Variants in AKAP7 observed in about 807,000 individuals in gnomAD.
The protein encoded by AKAP7 is A-kinase anchoring protein 7.
In AKAP7, 39 loss-of-function variants were observed where a neutral mutation model predicts 39.5. That is an observed-to-expected ratio of 0.99 (90% CI 0.76 to 1.29). AKAP7 has a LOEUF of 1.29. Among genes scored for constraint, AKAP7 ranks in the 50% most tolerant of loss-of-function variants. AKAP7 has a pLI of 0.00. For synonymous variants in AKAP7, 140 were observed against 139.1 expected, an observed-to-expected ratio of 1.01 and a Z score of -0.05; for missense variants, 414 against 407.7, an observed-to-expected ratio of 1.02 and a Z score of -0.13.
chr6:131,196,315 G>C (rs989845614), intron 5 of AKAP7, among the ~76,000 whole-genome samples: 1 of 150,636 alleles, frequency 6.6e-6, no homozygotes, highest in African/African-American at 2.4e-5. Flanking sequence ...ACTCAGGCAG[G>C]AGTGCAATGG....
chr6:131,252,977 G>A, intron 7 of AKAP7: 1 of 1,560,976 alleles, frequency 6.4e-7, no homozygotes, highest in South Asian at 1.1e-5. Flanking sequence ...CCAAATTATG[G>A]AGAATTTGAT....
intron 2 of AKAP7, among the ~76,000 whole-genome samples, chr6:131,148,967 T>TAAC (rs1394986082): frequency 6.6e-6 from 1 of 152,214 alleles, no homozygotes; most frequent in African/African-American, 2.4e-5. Context: ...AATTGCGAGT[T>TAAC]AACTGCCAAG....
chr6:131,252,000 C>G (rs965522868), intron 7 of AKAP7, among the ~76,000 whole-genome samples: 4 of 152,272 alleles, frequency 2.6e-5, no homozygotes, highest in Non-Finnish European at 5.9e-5. Flanking sequence ...TCTTCACTTT[C>G]TGTTCCACTG....
At chr6:131,142,646 G>A (rs553511510) in intron 1 of AKAP7, among the ~76,000 whole-genome samples, 1 of 152,346 alleles carries the variant, frequency 6.6e-6, no homozygotes, top group Admixed American at 6.5e-5. Flanking sequence ...GGGAAATGTG[G>A]GATTGGAGCC....
At chr6:131,127,206 C>T in the AKAP7 span, among the ~76,000 whole-genome samples, 3 of 151,888 alleles carry the variant, frequency 2.0e-5, no homozygotes, top group Non-Finnish European at 2.9e-5. Context: ...CTACCATGAC[C>T]GGTTAATTTT....
chr6:131,240,388 C>T (rs1479712111), intron 7 of AKAP7, among the ~76,000 whole-genome samples: 1 of 152,210 alleles, frequency 6.6e-6, no homozygotes, highest in Admixed American at 6.5e-5. Flanking sequence ...TGTCCATTCT[C>T]AGATCTCCAG....
upstream of AKAP7, among the ~76,000 whole-genome samples, chr6:131,134,004 C>G (rs777989583): frequency 2.6e-5 from 4 of 152,258 alleles, no homozygotes; most frequent in Non-Finnish European, 5.9e-5. Context: ...CAGGATCTGG[C>G]TCTGTTGTCC....
chr6:131,156,071 A>G (rs909176728), intron 2 of AKAP7, among the ~76,000 whole-genome samples: 1 of 152,304 alleles, frequency 6.6e-6, no homozygotes, highest in Non-Finnish European at 1.5e-5. Flanking sequence ...TGCTGCCTCT[A>G]TAAATTGAAA....
chr6:131,266,921 T>A (rs1813848667), intron 7 of AKAP7, among the ~76,000 whole-genome samples: 2 of 152,174 alleles, frequency 1.3e-5, no homozygotes, highest in Admixed American at 1.3e-4. Context: ...ACAAGCAAGA[T>A]GTACTGACCA....
At chr6:131,176,852 G>A (rs780908730) in intron 5 of AKAP7, among the ~76,000 whole-genome samples, 2 of 152,002 alleles carry the variant, frequency 1.3e-5, no homozygotes, top group African/African-American at 4.8e-5. Context: ...CCTGCTAACC[G>A]TTCCCCTAAT....
At chr6:131,208,905 A>T (rs1808381451) in intron 6 of AKAP7, among the ~76,000 whole-genome samples, 1 of 152,230 alleles carries the variant, frequency 6.6e-6, no homozygotes, top group Non-Finnish European at 1.5e-5. Flanking sequence ...TTTTGCTAAG[A>T]AGTGACACAC....
At chr6:131,278,706 T>G (rs1814952380) in intron 7 of AKAP7, among the ~76,000 whole-genome samples, 1 of 152,116 alleles carries the variant, frequency 6.6e-6, no homozygotes, top group African/African-American at 2.4e-5. Flanking sequence ...CCAGATCTCA[T>G]GAGAACTCAC....
At chr6:131,226,200 G>A (rs1032952763) in intron 7 of AKAP7, among the ~76,000 whole-genome samples, 7 of 152,194 alleles carry the variant, frequency 4.6e-5, no homozygotes, top group African/African-American at 7.2e-5. Flanking sequence ...TGGCTCCTGA[G>A]AGCATCTGAG....
chr6:131,277,745 T>C (rs1043158858), intron 7 of AKAP7, among the ~76,000 whole-genome samples: 1 of 152,220 alleles, frequency 6.6e-6, no homozygotes, highest in Non-Finnish European at 1.5e-5. Flanking sequence ...TCCTGTAGAC[T>C]CATCCCTGGG....
intron 2 of AKAP7, among the ~76,000 whole-genome samples, chr6:131,147,945 G>C (rs1801608344): frequency 6.6e-6 from 1 of 152,224 alleles, no homozygotes; most frequent in Non-Finnish European, 1.5e-5. Context: ...ATCCCAGAGA[G>C]CAAATAGTGT....
At chr6:131,184,928 A>G (rs1805675687) in intron 5 of AKAP7, 1 of 843,260 alleles carries the variant, frequency 1.2e-6, no homozygotes, top group African/African-American at 1.7e-5. Flanking sequence ...GCACTGCCAC[A>G]CCTTTACCCT....
At chr6:131,178,680 T>A (rs1249548225) in intron 5 of AKAP7, among the ~76,000 whole-genome samples, 2 of 152,178 alleles carry the variant, frequency 1.3e-5, no homozygotes, top group Non-Finnish European at 2.9e-5. Flanking sequence ...ATTCTTAAAG[T>A]AGACAAGGCC....
At chr6:131,212,513 T>C (rs1436610943) in intron 6 of AKAP7, among the ~76,000 whole-genome samples, 1 of 152,222 alleles carries the variant, frequency 6.6e-6, no homozygotes, top group Admixed American at 6.5e-5. Flanking sequence ...GCTTGTATCA[T>C]TGAGCACCTT....
chr6:131,150,187 A>G (rs1801804049), intron 2 of AKAP7, among the ~76,000 whole-genome samples: 1 of 152,146 alleles, frequency 6.6e-6, no homozygotes, highest in Admixed American at 6.5e-5. Context: ...CTAAATGTGG[A>G]ATTCAGTTCT....
Sources: allele counts gnomAD v4.1 joint callset (sites outside exome capture counted in the v4.1 genomes callset), GRCh38; gene constraint gnomAD v4.1.1; transcripts MANE v1.5; gene names NCBI Gene and HGNC (gene_info 2026-07-23, HGNC 2026-07-21).